The following CCNH variants were observed in gnomAD, a reference collection of about 807,000 sequenced individuals.
The protein encoded by CCNH is cyclin-H.
Under a neutral mutation model 41.9 loss-of-function variants are expected in CCNH, and 31 were observed. The ratio of observed to expected loss-of-function variants is 0.74; its 90% CI spans 0.56 to 1.00. The LOEUF is 1.00. Among genes scored for constraint, CCNH ranks in the 50% least tolerant of loss-of-function variants. CCNH has a pLI of 0.00. For synonymous variants in CCNH, 138 were observed against 136.1 expected, an observed-to-expected ratio of 1.01 and a Z score of -0.10; for missense variants, 362 against 388.4, an observed-to-expected ratio of 0.93 and a Z score of 0.57.
chr5:87,338,536 A>ATATATATATATTTTTTTT lies in CCNH; in HGVS notation c.*91-19640_*91-19639insAAAAAAAATATATATATA. Among the ~76,000 whole-genome samples, 8 of 85,218 alleles carry ATATATATATATTTTTTTT rather than the reference A, an allele frequency of 9.4e-5. 1 individual carries two copies. The highest frequency in any genetic ancestry group is 7.8e-4 in the South Asian group (2 of 2,558). 55.9% of individuals were successfully genotyped at this position (85,218 alleles called of 152,430 possible). ...ATATATATATATATATATATATAAAATTTTTTTTTTTTTTAAGTAGAAATG... is the reference window on the plus strand; with the variant it reads ...ATATATATATATATATATATATAAAATATATATATATTTTTTTTTTTTTTTTTTTTTTAAGTAGAAATG... On this transcript the variant is annotated intron_variant and NMD_transcript_variant, in intron 9 of 9. Transcript: ENST00000645953.
At chr5:87,389,492 C>G (rs1193370407), downstream of CCNH, 1 of 1,614,108 alleles carries the variant, frequency 6.2e-7, no homozygotes, top group Non-Finnish European at 8.5e-7. Context: ...TTCAGATGAA[C>G]TTCGAACGCT....
At chr5:87,397,224 G>A (rs1481090821) in intron 7 of CCNH, among the ~76,000 whole-genome samples, 12 of 151,452 alleles carry the variant, frequency 7.9e-5, no homozygotes, top group Admixed American at 5.3e-4. Flanking sequence ...GTGCAATGGC[G>A]TGATCTTGGC....
chr5:87,394,178 C>T, downstream of CCNH: 1 of 934,372 alleles, frequency 1.1e-6, no homozygotes, highest in Non-Finnish European at 1.3e-6. Flanking sequence ...GTTTGCCTAT[C>T]ATATTTTGCT....
chr5:87,317,551 T>C (rs974267792), downstream of CCNH, among the ~76,000 whole-genome samples: 11 of 152,200 alleles, frequency 7.2e-5, no homozygotes, highest in African/African-American at 2.7e-4. Context: ...ATTGTAGACA[T>C]TGTGTTTCCA....
At chr5:87,337,204 A>C (rs1303969215) in intron 9 of CCNH, among the ~76,000 whole-genome samples, 2 of 152,140 alleles carry the variant, frequency 1.3e-5, no homozygotes, top group Admixed American at 6.5e-5. Context: ...TAATGGTTTT[A>C]TATTGATGAA....
downstream of CCNH, among the ~76,000 whole-genome samples, chr5:87,388,383 C>T (rs1419250564): frequency 6.6e-6 from 1 of 152,024 alleles, no homozygotes; most frequent in Non-Finnish European, 1.5e-5. Context: ...CATTTAGTGT[C>T]GATAATAAAG....
At chr5:87,378,252 G>GTAAT, upstream of CCNH, 1 of 858,138 alleles carries the variant, frequency 1.2e-6, no homozygotes, top group Non-Finnish European at 1.9e-6. Context: ...GGATGTCATT[G>GTAAT]TAATTAGTAC....
chr5:87,372,044 A>AG (rs1159718390), downstream of CCNH: 1 of 1,432,188 alleles, frequency 7.0e-7, no homozygotes, highest in Non-Finnish European at 9.6e-7. Context: ...AATTTGAAAA[A>AG]AAAAACCTAA....
At chr5:87,376,658 A>G in exon 1 of CCNH, 1 of 1,446,170 alleles carries the variant, frequency 6.9e-7, no homozygotes, top group Non-Finnish European at 9.6e-7. Context: ...ATAGTAATTC[A>G]TAGCTTAGTA....
At chr5:87,362,568 CA>C in intron 9 of CCNH, 1 of 1,592,900 alleles carries the variant, frequency 6.3e-7, no homozygotes, top group Non-Finnish European at 8.6e-7. Context: ...AACAAGTACT[CA>C]ATGACACAGT....
intron 9 of CCNH, chr5:87,330,885 C>T: frequency 1.8e-6 from 2 of 1,131,208 alleles, no homozygotes; most frequent in Non-Finnish European, 2.3e-6. Context: ...TTCTGTTTTC[C>T]TGTCGCAGGG....
chr5:87,356,823 G>A (rs1283905183), intron 9 of CCNH, among the ~76,000 whole-genome samples: 8 of 152,138 alleles, frequency 5.3e-5, no homozygotes, highest in South Asian at 2.1e-4. Context: ...TGGCTTTATT[G>A]TGGTGGTCTG....
intron 9 of CCNH, among the ~76,000 whole-genome samples, chr5:87,353,969 G>C (rs1365711088): frequency 6.6e-6 from 1 of 152,166 alleles, no homozygotes. Context: ...ATTTTCCTAA[G>C]TGGAAAATGG....
At chr5:87,402,904 T>G (rs1228859434) in intron 5 of CCNH, among the ~76,000 whole-genome samples, 2 of 152,218 alleles carry the variant, frequency 1.3e-5, no homozygotes, top group African/African-American at 4.8e-5. Flanking sequence ...TCATTATCTC[T>G]GTGAAGTTAG....
intron 9 of CCNH, chr5:87,331,151 T>C: frequency 2.3e-6 from 2 of 880,514 alleles, no homozygotes; most frequent in Non-Finnish European, 3.6e-6. Flanking sequence ...TTAGAACAAA[T>C]TAAAGACCAA....
chr5:87,377,247 T>C, upstream of CCNH: 1 of 641,940 alleles, frequency 1.6e-6, no homozygotes, highest in African/African-American at 1.8e-5. Flanking sequence ...ATGTAGGTTT[T>C]GGCAGATAAG....
At chr5:87,347,217 T>C (rs1758931234) in intron 9 of CCNH, among the ~76,000 whole-genome samples, 1 of 152,100 alleles carries the variant, frequency 6.6e-6, no homozygotes. Context: ...TTTATTCTTT[T>C]GCTGTTCAGC....
downstream of CCNH, chr5:87,386,719 T>C (rs1580410806): frequency 4.4e-6 from 4 of 899,566 alleles, no homozygotes; most frequent in Admixed American, 3.5e-5. Flanking sequence ...TTTGGTGCAA[T>C]AGTAATTGCA....
At chr5:87,380,227 A>G (rs1484783862), upstream of CCNH, among the ~76,000 whole-genome samples, 3 of 152,144 alleles carry the variant, frequency 2.0e-5, no homozygotes, top group African/African-American at 7.2e-5. Flanking sequence ...GTAGAAGTTA[A>G]CTTAAGTCTA....
Sources: gnomAD v4.1 joint callset for allele counts (sites outside exome capture counted in the v4.1 genomes callset) on GRCh38, gnomAD v4.1.1 for gene constraint, MANE v1.5 for transcripts, NCBI Gene and HGNC (gene_info 2026-07-23, HGNC 2026-07-21) for gene names.